AGBL4: variants seen among roughly 807,000 people sequenced by gnomAD.
AGBL4 encodes the protein AGBL carboxypeptidase 4.
AGBL4 carries 58 observed loss-of-function variants against 66.4 expected under a neutral mutation model. The ratio of observed to expected loss-of-function variants is 0.87; its 90% CI spans 0.71 to 1.09. The LOEUF (loss-of-function observed/expected upper bound fraction) is 1.09, where lower values mean the gene tolerates loss of function less well. Ranked by LOEUF, AGBL4 falls within the 50% of genes least tolerant of loss-of-function variation. The probability of loss-of-function intolerance (pLI) is 0.00; values close to 1 mark genes in which losing one functional copy is unlikely to be tolerated. For missense variants in AGBL4, 579 were observed against 631.0 expected, an observed-to-expected ratio of 0.92 and a Z score of 0.88; for synonymous variants, 234 against 222.9, an observed-to-expected ratio of 1.05 and a Z score of -0.44.
Position 49,896,580 on chromosome 1 carries a change from A to C in AGBL4, c.35-45062T>G, listed in dbSNP as rs1649226878. On this transcript the variant is annotated intron_variant, in intron 1 of 13. Coordinates refer to ENST00000371839, the MANE Select transcript of AGBL4 (RefSeq NM_032785.4). ...ATTCTATGAGGCCAGTAGTACCCTG[A>C]TACCAAAACCAGAAACAGACCCATG... Among the ~76,000 whole-genome samples, 3 of 150,048 alleles carry C rather than the reference A, an allele frequency of 2.0e-5. No individual in the cohort carries two copies. The South Asian group carries it at 6.3e-4, about 32-fold the overall frequency.
chr1:49,846,360 G>T, intron 2 of AGBL4: 1 of 1,545,326 alleles, frequency 6.5e-7, no homozygotes, highest in Non-Finnish European at 8.9e-7. Context: ...TTTACACACA[G>T]CACCTCCCTT....
At chr1:49,654,749 T>G (rs1382818473) in intron 3 of AGBL4, among the ~76,000 whole-genome samples, 1 of 152,200 alleles carries the variant, frequency 6.6e-6, no homozygotes, top group African/African-American at 2.4e-5. Context: ...TTGCAACCCC[T>G]GCCTTTTTTT....
intron 2 of AGBL4, among the ~76,000 whole-genome samples, chr1:49,831,460 T>C (rs1645675751): frequency 6.6e-6 from 1 of 152,244 alleles, no homozygotes; most frequent in African/African-American, 2.4e-5. Flanking sequence ...ATTGATTTTG[T>C]ATCCTGAGAC....
intron 1 of AGBL4, among the ~76,000 whole-genome samples, chr1:49,911,250 G>C (rs1650798746): frequency 6.6e-6 from 1 of 152,102 alleles, no homozygotes; most frequent in Non-Finnish European, 1.5e-5. Flanking sequence ...CGAGCCTTTT[G>C]TAACTGAAAT....
chr1:49,657,302 G>T (rs1470834649), intron 3 of AGBL4, among the ~76,000 whole-genome samples: 1 of 152,166 alleles, frequency 6.6e-6, no homozygotes, highest in South Asian at 2.1e-4. Context: ...ACTTACAAGG[G>T]ATGTGAAGGA....
chr1:49,629,092 G>T (rs572189764), intron 3 of AGBL4, among the ~76,000 whole-genome samples: 2 of 152,272 alleles, frequency 1.3e-5, no homozygotes, highest in East Asian at 3.9e-4. Flanking sequence ...AATACAACCT[G>T]CAAGTCAAAT....
chr1:49,763,662 T>C (rs563141117), intron 2 of AGBL4, among the ~76,000 whole-genome samples: 45 of 152,132 alleles, frequency 3.0e-4, no homozygotes, highest in Non-Finnish European at 8.8e-5. Context: ...AATCCACACT[T>C]CTGCAATGAA....
chr1:49,322,849 AAATC>A (rs1645155443), intron 3 of AGBL4, among the ~76,000 whole-genome samples: 1 of 152,224 alleles, frequency 6.6e-6, no homozygotes, highest in South Asian at 2.1e-4. Context: ...TGAGAAAACT[AAATC>A]AATCAGTAAT....
At chr1:48,594,094 G>A (rs917158382) in intron 9 of AGBL4, among the ~76,000 whole-genome samples, 1 of 152,212 alleles carries the variant, frequency 6.6e-6, no homozygotes, top group African/African-American at 2.4e-5. Context: ...GGGAGGCTGA[G>A]GTGGGTGGAT....
intron 3 of AGBL4, among the ~76,000 whole-genome samples, chr1:49,306,646 A>C (rs1399873004): frequency 6.6e-6 from 1 of 152,142 alleles, no homozygotes; most frequent in Non-Finnish European, 1.5e-5. Flanking sequence ...TAACAACTCT[A>C]TTTGTGGATT....
At chr1:49,491,035 A>G (rs1485343924) in intron 3 of AGBL4, among the ~76,000 whole-genome samples, 1 of 151,774 alleles carries the variant, frequency 6.6e-6, no homozygotes, top group Non-Finnish European at 1.5e-5. Flanking sequence ...AGCTTCTTAA[A>G]TATACATACC....
chr1:48,912,337 T>G (rs1229236654), intron 5 of AGBL4, among the ~76,000 whole-genome samples: 1 of 152,302 alleles, frequency 6.6e-6, no homozygotes. Flanking sequence ...CTCATCCCAT[T>G]GAGCACAAGC....
At chr1:49,821,446 T>C (rs190031331) in intron 2 of AGBL4, among the ~76,000 whole-genome samples, 3 of 152,340 alleles carry the variant, frequency 2.0e-5, no homozygotes, top group East Asian at 1.9e-4. Flanking sequence ...GTCACCAATA[T>C]GGCACTCCAA....
chr1:49,115,261 A>G (rs1467140966), intron 4 of AGBL4, among the ~76,000 whole-genome samples: 1 of 152,190 alleles, frequency 6.6e-6, no homozygotes, highest in African/African-American at 2.4e-5. Context: ...GAACTTGTTT[A>G]GGGTCACACA....
At chr1:49,539,730 C>A (rs918364908) in intron 3 of AGBL4, among the ~76,000 whole-genome samples, 42 of 152,052 alleles carry the variant, frequency 2.8e-4, no homozygotes, top group African/African-American at 7.7e-4. Flanking sequence ...TGGAGTTTAT[C>A]AAAACAATAT....
In AGBL4 at chr1:48,539,700, C is replaced by T. The variant is rs1021589974; in HGVS notation, c.1306G>A (p.Asp436Asn). The change falls in exon 12 of 14, where the codon GAC (aspartate) becomes AAC (asparagine). Residue 436 changes from aspartate (D) to asparagine (N), a missense_variant. Physicochemically the swap from Asp to Asn is conservative, Grantham distance 23. Coordinates refer to ENST00000371839, the MANE Select transcript of AGBL4 (RefSeq NM_032785.4). ...LGRNVARTFLDYYRLNPVVEK... is the reference protein window; with the variant it reads ...LGRNVARTFLNYYRLNPVVEK... ...ACCACGGGGTTCAGCCGATAATAGT[C>T]CAAAAAGGTTCTTGCCACATTCCGC... is the stretch of plus-strand genomic sequence containing the variant. 3.2e-6 allele frequency: 5 copies of T among 1,544,236 alleles called. No individual in the cohort carries two copies. The highest frequency in any genetic ancestry group is 4.4e-6 in the Non-Finnish European group (5 of 1,142,176).
chr1:48,936,337 C>T lies in AGBL4; in HGVS notation c.595-69107G>A, dbSNP rs534149437. On this transcript the variant is annotated intron_variant, in intron 5 of 13. Coordinates refer to ENST00000371839, the MANE Select transcript of AGBL4 (RefSeq NM_032785.4). ...GAGCATTTCCCTTTCTACAGTTTCT[C>T]GGTATCCTTCCTCTCCTTAGGTAGG... Among the ~76,000 whole-genome samples the T allele has an allele frequency of 1.6e-4, 24 of 152,244 alleles. No individual in the cohort carries two copies. The South Asian group carries it at 3.7e-3, about 24-fold the overall frequency.
intron 3 of AGBL4, among the ~76,000 whole-genome samples, chr1:49,439,353 T>C (rs1200390652): frequency 5.9e-5 from 9 of 152,226 alleles, no homozygotes; most frequent in Non-Finnish European, 8.8e-5. Context: ...ATGTCTCCTC[T>C]ATGAGTTCTC....
intron 6 of AGBL4, among the ~76,000 whole-genome samples, chr1:48,706,983 T>C (rs1646890959): frequency 1.3e-5 from 2 of 152,344 alleles, no homozygotes; most frequent in African/African-American, 4.8e-5. Flanking sequence ...CTCTCCTTCC[T>C]GTCCTGAACT....
Sources: allele counts gnomAD v4.1 joint callset (sites outside exome capture counted in the v4.1 genomes callset), GRCh38; gene constraint gnomAD v4.1.1; transcripts MANE v1.5; gene names NCBI Gene and HGNC (gene_info 2026-07-23, HGNC 2026-07-21).